The following CDH4 variants were observed in gnomAD, a reference collection of about 807,000 sequenced individuals.
The protein encoded by CDH4 is cadherin 4.
A neutral mutation model predicts 86.0 loss-of-function variants in CDH4; 33 were observed. The ratio of observed to expected loss-of-function variants is 0.38; its 90% CI spans 0.29 to 0.51. The LOEUF (loss-of-function observed/expected upper bound fraction) is 0.51, where lower values mean the gene tolerates loss of function less well. Ranked by LOEUF, CDH4 falls within the 20% of genes least tolerant of loss-of-function variation. The pLI, the probability that CDH4 is intolerant of heterozygous loss-of-function variation, is 0.86. For synonymous variants in CDH4, 555 were observed against 549.4 expected (o/e 1.01, Z -0.14); for missense variants, 1,114 against 1,307.4 (o/e 0.85, Z 2.28).
At chr20:61,686,455 GTGTGTGCATT>G (rs2087575685) in intron 2 of CDH4, among the ~76,000 whole-genome samples, 1 of 151,044 alleles carries the variant, frequency 6.6e-6, no homozygotes, top group African/African-American at 2.5e-5. Context: ...GTGCATTCGT[GTGTGTGCATT>G]TGCGTGTATA....
chr20:61,396,326 C>T (rs1228828872), intron 2 of CDH4, among the ~76,000 whole-genome samples: 1 of 152,122 alleles, frequency 6.6e-6, no homozygotes, highest in African/African-American at 2.4e-5. Context: ...TCCTTGGAGA[C>T]CTAGCAGGCA....
chr20:61,790,664 C>T (rs1333191337), intron 4 of CDH4, among the ~76,000 whole-genome samples: 3 of 151,714 alleles, frequency 2.0e-5, no homozygotes, highest in Admixed American at 6.6e-5. Flanking sequence ...CATTCACCCA[C>T]CCACCATCCA....
intron 2 of CDH4, among the ~76,000 whole-genome samples, chr20:61,731,849 T>C (rs1225154994): frequency 6.6e-6 from 1 of 152,182 alleles, no homozygotes; most frequent in Non-Finnish European, 1.5e-5. Flanking sequence ...ACTCGGGGGC[T>C]GCACAGCCTG....
At chr20:61,897,276 G>A (rs993074507) in intron 8 of CDH4, among the ~76,000 whole-genome samples, 22 of 151,416 alleles carry the variant, frequency 1.5e-4, no homozygotes, top group Admixed American at 2.6e-4. Flanking sequence ...CCTACCCCTC[G>A]TCTCTGGTCC....
At chr20:61,762,049 C>A (rs2088640381) in intron 3 of CDH4, among the ~76,000 whole-genome samples, 3 of 152,240 alleles carry the variant, frequency 2.0e-5, no homozygotes, top group African/African-American at 7.2e-5. Flanking sequence ...ACCCCAGGGC[C>A]CACCTGGCTC....
intron 7 of CDH4, among the ~76,000 whole-genome samples, chr20:61,877,733 C>T (rs55856812): frequency 0.03 from 4,540 of 152,220 alleles, 85 homozygotes; most frequent in Non-Finnish European, 0.045. Flanking sequence ...CTGTCTTGTG[C>T]GTGTGAAACA....
chr20:61,647,542 T>TCTCTCTCTCTCTCTCTCC lies in CDH4; in HGVS notation c.170-96018_170-96017insTCTCTCTCTCTCTCCCTC, dbSNP rs1281087765. On this transcript the variant is annotated intron_variant, in intron 2 of 15. Transcript: ENST00000614565. Reference sequence around the variant, plus strand: ...CACACATATTCTCTCTCCCTCTCCCTCTCCCTCTCCCTCTCCCTCTCCCTC... The same window carrying TCTCTCTCTCTCTCTCTCC: ...CACACATATTCTCTCTCCCTCTCCCTCTCTCTCTCTCTCTCTCCCTCCCTCTCCCTCTCCCTCTCCCTC... 1.2e-3 allele frequency among the ~76,000 whole-genome samples: 129 copies of TCTCTCTCTCTCTCTCTCC among 108,296 alleles called. 18 individuals carry two copies. The highest frequency in any genetic ancestry group is 2.0e-3 in the Non-Finnish European group (95 of 48,582). 71.0% of individuals were successfully genotyped at this position (108,296 alleles called of 152,430 possible). A position where few individuals can be genotyped will look rare whatever the true frequency, so the allele number is the denominator to read the frequency against.
At chr20:61,933,728 C>T (rs548719584) in intron 14 of CDH4, among the ~76,000 whole-genome samples, 2 of 150,478 alleles carry the variant, frequency 1.3e-5, no homozygotes, top group African/African-American at 5.0e-5. Context: ...ATGTGCCTTG[C>T]GGAGGCCCAG....
chr20:61,904,978 C>A (rs975428722), intron 8 of CDH4, among the ~76,000 whole-genome samples: 1 of 152,216 alleles, frequency 6.6e-6, no homozygotes, highest in Non-Finnish European at 1.5e-5. Context: ...TGACCTTCCC[C>A]TGAGAAGCTC....
chr20:61,602,076 C>T (rs6061662), intron 2 of CDH4, among the ~76,000 whole-genome samples: 2,591 of 152,286 alleles, frequency 0.017, 81 homozygotes, highest in African/African-American at 0.058. Context: ...GGTGGAGCTG[C>T]GCCGTGCCCT....
rs2085703103 is a variant in CDH4 at position 61,501,778 on chromosome 20, C to G, written c.170-241785C>G. On this transcript the variant is annotated intron_variant, in intron 2 of 15. Transcript: ENST00000614565. This position sits in a 1 kb window ranked among gnomAD's most constrained non-coding sequence, Gnocchi z 4.2. Reference sequence around the variant, plus strand: ...GGGAGCCACTCATTATGGGACGGACCACCAGACGCGACTAATGAAACTTTT... The same window carrying G: ...GGGAGCCACTCATTATGGGACGGACGACCAGACGCGACTAATGAAACTTTT... 6.6e-6 allele frequency among the ~76,000 whole-genome samples: 1 copy of G among 152,294 alleles called. No homozygotes were observed. Among genetic ancestry groups the G allele is most frequent in the Admixed American group, 6.5e-5 (1 of 15,306 alleles).
chr20:61,554,914 C>T (rs575707088), intron 2 of CDH4, among the ~76,000 whole-genome samples: 3 of 152,322 alleles, frequency 2.0e-5, no homozygotes, highest in South Asian at 2.1e-4. Flanking sequence ...CAGACATGTA[C>T]ATGTGTGCTC....
intron 2 of CDH4, among the ~76,000 whole-genome samples, chr20:61,416,267 TGG>T (rs1285637592): frequency 6.6e-6 from 1 of 152,222 alleles, no homozygotes; most frequent in Non-Finnish European, 1.5e-5. Context: ...CCCAAAGTGC[TGG>T]GATTACAGGC....
chr20:61,298,291 G>C (rs1224966283), intron 2 of CDH4, among the ~76,000 whole-genome samples: 1 of 152,160 alleles, frequency 6.6e-6, no homozygotes, highest in African/African-American at 2.4e-5. Flanking sequence ...CAATTAAATT[G>C]AGTGTGTGTA....
intron 6 of CDH4, among the ~76,000 whole-genome samples, chr20:61,853,743 G>A (rs1351600663): frequency 6.6e-6 from 1 of 152,154 alleles, no homozygotes; most frequent in African/African-American, 2.4e-5. Flanking sequence ...GATGCTGCAG[G>A]TGGCCTGGGG....
At chr20:61,494,228 G>T (rs913004655) in intron 2 of CDH4, among the ~76,000 whole-genome samples, 25 of 152,190 alleles carry the variant, frequency 1.6e-4, no homozygotes, top group Admixed American at 1.5e-3. Flanking sequence ...GAGAAGTTTG[G>T]TGTCAAATGT....
At chr20:61,346,324 G>C (rs6028134) in intron 2 of CDH4, among the ~76,000 whole-genome samples, 1 of 151,990 alleles carries the variant, frequency 6.6e-6, no homozygotes, top group African/African-American at 2.4e-5. Context: ...GTGGTCGGAG[G>C]GAGGCAGGGA....
At chr20:61,487,164 T>A (rs2085601374) in intron 2 of CDH4, among the ~76,000 whole-genome samples, 1 of 152,246 alleles carries the variant, frequency 6.6e-6, no homozygotes, top group South Asian at 2.1e-4. Flanking sequence ...TGTATGTGAA[T>A]GTCCAGTTGT....
At chr20:61,358,843 G>A (rs886279973) in intron 2 of CDH4, among the ~76,000 whole-genome samples, 8 of 152,150 alleles carry the variant, frequency 5.3e-5, no homozygotes, top group Non-Finnish European at 1.0e-4. Context: ...CACGGAAACC[G>A]TTCCCTCTAC....
Sources: allele counts gnomAD v4.1 joint callset (sites outside exome capture counted in the v4.1 genomes callset), GRCh38; gene constraint gnomAD v4.1.1; non-coding constraint Gnocchi (gnomAD v3.1); transcripts MANE v1.5; gene names NCBI Gene and HGNC (gene_info 2026-07-23, HGNC 2026-07-21).